The following ALK variants were observed in gnomAD, a reference collection of about 807,000 sequenced individuals.
ALK encodes the protein ALK tyrosine kinase receptor.
In ALK, 74 loss-of-function variants were observed where a neutral mutation model predicts 163.1. That is an observed-to-expected ratio of 0.45 (90% CI 0.38 to 0.55). The LOEUF is 0.55. Ranked by LOEUF, ALK falls within the 20% of genes least tolerant of loss-of-function variation. The probability of loss-of-function intolerance (pLI) is 0.00; values close to 1 mark genes in which losing one functional copy is unlikely to be tolerated. For synonymous variants in ALK, 960 were observed against 843.2 expected (o/e 1.14, Z -2.40); for missense variants, 2,063 against 2,105.3 (o/e 0.98, Z 0.39).
intron 23 of ALK, among the ~76,000 whole-genome samples, chr2:29,216,448 C>T (rs991625713): frequency 6.6e-6 from 1 of 152,090 alleles, no homozygotes; most frequent in African/African-American, 2.4e-5. Context: ...GCCCCAGGAG[C>T]CTGGAGCGCT....
chr2:29,325,126 T>C (rs1667213551), intron 6 of ALK, among the ~76,000 whole-genome samples: 1 of 152,044 alleles, frequency 6.6e-6, no homozygotes, highest in Non-Finnish European at 1.5e-5. Context: ...ACTTTCCCCT[T>C]CCAAATTCCA....
At chr2:29,659,011 T>C (rs1677271576) in intron 3 of ALK, among the ~76,000 whole-genome samples, 2 of 152,178 alleles carry the variant, frequency 1.3e-5, no homozygotes, top group African/African-American at 2.4e-5. Flanking sequence ...CAAACCCATG[T>C]ATCTCACTGG....
At chr2:29,630,187 C>A (rs1196716297) in intron 3 of ALK, among the ~76,000 whole-genome samples, 1 of 152,034 alleles carries the variant, frequency 6.6e-6, no homozygotes, top group African/African-American at 2.4e-5. Flanking sequence ...GAACAACAGT[C>A]GTGGATGAAT....
chr2:29,673,802 A>T (rs955734525), intron 3 of ALK, among the ~76,000 whole-genome samples: 9 of 151,378 alleles, frequency 5.9e-5, no homozygotes, highest in African/African-American at 2.2e-4. Flanking sequence ...GATTCTTCCT[A>T]CCCAAGAGCA....
chr2:29,687,363 G>T (rs577204679), intron 3 of ALK, among the ~76,000 whole-genome samples: 1 of 152,108 alleles, frequency 6.6e-6, no homozygotes, highest in African/African-American at 2.4e-5. Context: ...TAGGCAGGCA[G>T]GCAGGAAAAT....
chr2:29,202,668 T>G (rs1669212015), intron 26 of ALK, among the ~76,000 whole-genome samples: 1 of 152,266 alleles, frequency 6.6e-6, no homozygotes, highest in Non-Finnish European at 1.5e-5. Context: ...ATTTGCTTTT[T>G]CCCCACTGAA....
At chr2:29,525,152 G>A (rs1672923709) in intron 4 of ALK, among the ~76,000 whole-genome samples, 1 of 152,160 alleles carries the variant, frequency 6.6e-6, no homozygotes, top group African/African-American at 2.4e-5. Flanking sequence ...TGACATTCAT[G>A]ACCTTGGATA....
intron 3 of ALK, among the ~76,000 whole-genome samples, chr2:29,557,004 CT>C (rs1390518242): frequency 6.6e-6 from 1 of 152,138 alleles, no homozygotes; most frequent in Non-Finnish European, 1.5e-5. Flanking sequence ...TTATCAGACT[CT>C]TTTCTACAAT....
chr2:29,697,111 GA>G (rs1367722412), intron 2 of ALK, among the ~76,000 whole-genome samples: 1 of 151,948 alleles, frequency 6.6e-6, no homozygotes, highest in Non-Finnish European at 1.5e-5. Context: ...TACTGCCTAT[GA>G]AAAATGGACC....
At chr2:29,733,398 A>G (rs1324374592) in intron 1 of ALK, among the ~76,000 whole-genome samples, 1 of 152,222 alleles carries the variant, frequency 6.6e-6, no homozygotes, top group East Asian at 1.9e-4. Flanking sequence ...AGATGGTACC[A>G]TGCTGTCTTG....
At chr2:29,652,582 G>T (rs1292430672) in intron 3 of ALK, among the ~76,000 whole-genome samples, 11 of 152,098 alleles carry the variant, frequency 7.2e-5, no homozygotes, top group Non-Finnish European at 1.5e-5. Flanking sequence ...GATGGGATTT[G>T]GTCACTGGAA....
At chr2:29,763,957 C>T (rs1222228488) in intron 1 of ALK, among the ~76,000 whole-genome samples, 1 of 152,092 alleles carries the variant, frequency 6.6e-6, no homozygotes, top group East Asian at 1.9e-4. Context: ...CTCGTAACAC[C>T]CTGTTTATTC....
intron 1 of ALK, among the ~76,000 whole-genome samples, chr2:29,766,172 T>A (rs1680857177): frequency 6.6e-6 from 1 of 152,370 alleles, no homozygotes; most frequent in African/African-American, 2.4e-5. Flanking sequence ...ACAATGCTAT[T>A]ATGAACATAA....
In ALK at chr2:29,414,248, C is replaced by T. The variant is rs143612162; in HGVS notation, c.1155-30389G>A. ...TTGAAAGAACCCCTTACTATCTTCA[C>T]ATTTTAATGAAAGGAGTTAAATTGG... is the stretch of plus-strand genomic sequence containing the variant. On this transcript the variant is annotated intron_variant, in intron 4 of 28. Transcript: ENST00000389048. Among the ~76,000 whole-genome samples, 292 of 152,302 alleles carry T rather than the reference C, an allele frequency of 1.9e-3. 1 individual carries two copies. The highest frequency in any genetic ancestry group is 6.3e-3 in the African/African-American group (262 of 41,542).
rs886055926 is a variant in ALK at position 29,193,035 on chromosome 2, A to G, written c.*189T>C. On this transcript the variant is annotated 3_prime_UTR_variant, in exon 29 of 29. Coordinates refer to ENST00000389048, the MANE Select transcript of ALK (RefSeq NM_004304.5). ...TATGATATTTTCTTCTTTCGAAAGA[A>G]TAGGATGAACCCATGCTCAAAACCT... 9 of 644,424 alleles carry G rather than the reference A, an allele frequency of 1.4e-5. No individual in the cohort carries two copies. The highest frequency in any genetic ancestry group is 8.4e-5 in the East Asian group (3 of 35,878). The allele number at this position is 644,424 out of a possible 1,614,324, so 39.9% of individuals were successfully genotyped here. A position where few individuals can be genotyped will look rare whatever the true frequency, so the allele number is the denominator to read the frequency against.
intron 1 of ALK, among the ~76,000 whole-genome samples, chr2:29,898,665 C>G (rs1182071378): frequency 1.3e-5 from 2 of 152,186 alleles, no homozygotes; most frequent in African/African-American, 4.8e-5. Flanking sequence ...AGCTCAGCTT[C>G]CACTGAAAGA....
chr2:29,642,244 C>A (rs1242708185), intron 3 of ALK, among the ~76,000 whole-genome samples: 4 of 152,146 alleles, frequency 2.6e-5, no homozygotes, highest in Admixed American at 6.5e-5. Context: ...CTCTACCTTT[C>A]AAATATGCAC....
intron 3 of ALK, among the ~76,000 whole-genome samples, chr2:29,684,508 G>GGCT: frequency 6.6e-6 from 1 of 152,188 alleles, no homozygotes; most frequent in Non-Finnish European, 1.5e-5. Flanking sequence ...TGGCCGGGAT[G>GGCT]GCTGGTAAGT....
chr2:29,327,885 G>A (rs762987741), intron 6 of ALK, among the ~76,000 whole-genome samples: 1 of 152,096 alleles, frequency 6.6e-6, no homozygotes, highest in Non-Finnish European at 1.5e-5. Flanking sequence ...GATGTGACTC[G>A]AGAAAGGAAA....
Sources: allele counts gnomAD v4.1 joint callset (sites outside exome capture counted in the v4.1 genomes callset), GRCh38; gene constraint gnomAD v4.1.1; transcripts MANE v1.5; gene names NCBI Gene and HGNC (gene_info 2026-07-23, HGNC 2026-07-21).